YWHAG: variants seen among roughly 807,000 people sequenced by gnomAD.
The protein encoded by YWHAG is tyrosine 3-monooxygenase/tryptophan 5-monooxygenase activation protein gamma.
YWHAG carries 1 observed loss-of-function variant against 23.3 expected under a neutral mutation model. The observed-to-expected ratio is 0.04, with a 90% CI of 0.02 to 0.20. The LOEUF (loss-of-function observed/expected upper bound fraction) is 0.20, where lower values mean the gene tolerates loss of function less well. Among genes scored for constraint, YWHAG ranks in the 10% least tolerant of loss-of-function variants. The pLI is 1.00. For synonymous variants in YWHAG, 160 were observed against 144.0 expected (o/e 1.11, Z -0.80); for missense variants, 151 against 338.6 (o/e 0.45, Z 4.35).
At chr7:76,334,164 A>T (rs907261379) in intron 1 of YWHAG, among the ~76,000 whole-genome samples, 3 of 152,242 alleles carry the variant, frequency 2.0e-5, no homozygotes, top group Non-Finnish European at 4.4e-5. Flanking sequence ...GAACACCTTA[A>T]ATCAAAATTT....
At chr7:76,349,573 C>T (rs1032382182) in intron 1 of YWHAG, among the ~76,000 whole-genome samples, 1 of 152,148 alleles carries the variant, frequency 6.6e-6, no homozygotes, top group African/African-American at 2.4e-5. Flanking sequence ...TGAGAATCTA[C>T]ATGCCACAGC....
chr7:76,329,806 C>T lies in YWHAG; in HGVS notation c.515G>A (p.Arg172Gln). Residue 172 changes from arginine (R) to glutamine (Q), a missense_variant, in exon 2 of 2, where the codon CGA (arginine) becomes CAA (glutamine). Physicochemically the swap from Arg to Gln is conservative, Grantham distance 43 (BLOSUM62 1). Transcript: ENST00000307630. This position sits in a 1 kb window ranked among gnomAD's most constrained non-coding sequence, Gnocchi z 6.1. ...KEHMQPTHPI[R>Q]LGLALNYSVF... ...GGAGTAGTTAAGAGCCAGGCCTAAT[C>T]GGATGGGGTGGGTGGGCTGCATGTG... 2.5e-6 allele frequency: 4 copies of T among 1,613,058 alleles called. No homozygotes were observed. Among genetic ancestry groups the T allele is most frequent in the South Asian group, 1.1e-5 (1 of 91,026 alleles).
intron 1 of YWHAG, among the ~76,000 whole-genome samples, chr7:76,341,545 T>C (rs1373593627): frequency 6.6e-6 from 1 of 151,486 alleles, no homozygotes; most frequent in Admixed American, 6.6e-5. Flanking sequence ...ATCTATGTAA[T>C]GGAATATTAT....
intron 1 of YWHAG, among the ~76,000 whole-genome samples, chr7:76,341,429 A>AAAG (rs1563665147): frequency 6.6e-6 from 1 of 150,922 alleles, no homozygotes; most frequent in African/African-American, 2.4e-5. Flanking sequence ...AAAAAAAAAA[A>AAAG]AGAGAAATCT....
Position 76,329,321 on chromosome 7 carries a change from A to G in YWHAG, c.*256T>C, listed in dbSNP as rs1803504828. ...AGTTAAATTAGAGACAGACAGCTCC[A>G]CTTGCATGAATCTACAGAACAGTCC... On this transcript the variant is annotated 3_prime_UTR_variant, in exon 2 of 2. Coordinates refer to ENST00000307630, the MANE Select transcript of YWHAG (RefSeq NM_012479.4). This position sits in a 1 kb window ranked among gnomAD's most constrained non-coding sequence, Gnocchi z 6.1. The G allele has an allele frequency of 4.4e-6, 2 of 456,596 alleles. No individual in the cohort carries two copies. Among genetic ancestry groups the G allele is most frequent in the African/African-American group, 3.9e-5 (2 of 50,666 alleles). The allele number at this position is 456,596 out of a possible 1,614,324, so 28.3% of individuals were successfully genotyped here.
Position 76,327,688 on chromosome 7 carries a change from C to CCCCCT in YWHAG, c.*1888_*1889insAGGGG, listed in dbSNP as rs1563660690. On this transcript the variant is annotated 3_prime_UTR_variant, in exon 2 of 2. Coordinates refer to ENST00000307630, the MANE Select transcript of YWHAG (RefSeq NM_012479.4). ...ACCCTGCCCCCCCCCCCCTCCCCCC[C>CCCCCT]CAAATCGTCTTCCTCCCATGGCAAT... 1 of 118,512 alleles carries CCCCCT rather than the reference C, an allele frequency of 8.4e-6. No individual in the cohort carries two copies. The highest frequency in any genetic ancestry group is 1.8e-5 in the Non-Finnish European group (1 of 56,048). 7.3% of individuals were successfully genotyped at this position (118,512 alleles called of 1,614,324 possible).
intron 1 of YWHAG, among the ~76,000 whole-genome samples, chr7:76,334,119 C>T (rs1359032862): frequency 6.6e-6 from 1 of 152,232 alleles, no homozygotes; most frequent in African/African-American, 2.4e-5. Context: ...AGGGGAAACC[C>T]TTCAGCTCTA....
rs1403141077 is a variant in YWHAG, at chr7:76,330,112, G to C, written c.209C>G (p.Thr70Arg). The C allele has an allele frequency of 6.2e-7, 1 of 1,614,130 alleles. No homozygotes were observed. ...CTTCTTCTCATTGCCGTCTGCAGAT[G>C]TCTTCTGCTCAATGCTACTGATGAC... ...WRVISSIEQK[T>R]SADGNEKKIE... The change falls in exon 2 of 2, where the codon ACA (threonine) becomes AGA (arginine). Residue 70 changes from threonine to arginine, a missense_variant. Thr to Arg is a moderately conservative substitution (Grantham distance 71). Transcript: ENST00000307630.
chr7:76,349,418 T>TATAC (rs1803838494), intron 1 of YWHAG, among the ~76,000 whole-genome samples: 1 of 147,048 alleles, frequency 6.8e-6, no homozygotes, highest in African/African-American at 2.5e-5. Context: ...CATTTATTAA[T>TATAC]ACACACACAC....
chr7:76,353,827 G>GAAA (rs1803908937), intron 1 of YWHAG, among the ~76,000 whole-genome samples: 2 of 152,014 alleles, frequency 1.3e-5, no homozygotes, highest in African/African-American at 4.8e-5. Flanking sequence ...CCAGTACTTT[G>GAAA]GGAGGCCAAG....
Position 76,350,040 on chromosome 7 carries a change from G to T in YWHAG, c.87+8682C>A, listed in dbSNP as rs183179097. On this transcript the variant is annotated intron_variant, in intron 1 of 1. Coordinates refer to ENST00000307630, the MANE Select transcript of YWHAG (RefSeq NM_012479.4). ...TAAATAATCCCCGAGGAGGCCAGAAGAGTAAGAAAATACAGATAAAAGACC... is the reference window on the plus strand; with the variant it reads ...TAAATAATCCCCGAGGAGGCCAGAATAGTAAGAAAATACAGATAAAAGACC... Among the ~76,000 whole-genome samples, 427 of 152,328 alleles carry T rather than the reference G, an allele frequency of 2.8e-3. 1 individual carries two copies. Among genetic ancestry groups the T allele is most frequent in the Non-Finnish European group, 5.3e-3 (359 of 68,038 alleles).
chr7:76,348,424 T>G (rs1803820094), intron 1 of YWHAG, among the ~76,000 whole-genome samples: 2 of 148,138 alleles, frequency 1.4e-5, no homozygotes, highest in Middle Eastern at 3.5e-3. Flanking sequence ...CCCGCTAATT[T>G]TTTTTTTTTT....
chr7:76,356,154 G>T lies in YWHAG; in HGVS notation c.87+2568C>A, dbSNP rs527838761. 5.3e-5 allele frequency among the ~76,000 whole-genome samples: 8 copies of T among 152,326 alleles called. No homozygotes were observed. In the South Asian group the frequency reaches 1.7e-3, roughly 32 times the overall value. On this transcript the variant is annotated intron_variant, in intron 1 of 1. Coordinates refer to ENST00000307630, the MANE Select transcript of YWHAG (RefSeq NM_012479.4). ...CCTTAAAAGAGAGCTCACTTGAGTG[G>T]TAAGATTGGTTTCTTTCTCTGCAGT...
chr7:76,358,965 C>T lies in YWHAG; in HGVS notation c.-157G>A, dbSNP rs1804009512. The T allele has an allele frequency of 5.0e-6, 3 of 594,490 alleles. No individual in the cohort carries two copies. Among genetic ancestry groups the T allele is most frequent in the Non-Finnish European group, 5.2e-6 (2 of 382,498 alleles). 36.8% of individuals were successfully genotyped at this position (594,490 alleles called of 1,614,324 possible). On this transcript the variant is annotated 5_prime_UTR_variant, in exon 1 of 2. Transcript: ENST00000307630. Reference sequence around the variant, plus strand: ...GCGGAGGAGGCGGCTGGAGCTGCGACCGCGGGACCGGGCGCGAGGCGGCTG... The same window carrying T: ...GCGGAGGAGGCGGCTGGAGCTGCGATCGCGGGACCGGGCGCGAGGCGGCTG...
intron 1 of YWHAG, among the ~76,000 whole-genome samples, chr7:76,341,069 G>A (rs1382740456): frequency 6.6e-6 from 1 of 152,088 alleles, no homozygotes; most frequent in African/African-American, 2.4e-5. Context: ...CTAAAGTGCA[G>A]GGGAAGCCAC....
chr7:76,357,846 C>T (rs1159645438), intron 1 of YWHAG, among the ~76,000 whole-genome samples: 1 of 152,122 alleles, frequency 6.6e-6, no homozygotes, highest in Admixed American at 6.5e-5. Flanking sequence ...AATATTTTTT[C>T]CCCCAACTTA....
intron 1 of YWHAG, among the ~76,000 whole-genome samples, chr7:76,339,188 G>C (rs1422735341): frequency 1.3e-5 from 2 of 152,232 alleles, no homozygotes; most frequent in African/African-American, 4.8e-5. Flanking sequence ...AATGGTAATA[G>C]GCTGGGCGCG....
intron 1 of YWHAG, among the ~76,000 whole-genome samples, chr7:76,335,668 G>A (rs774984326): frequency 2.0e-5 from 3 of 152,048 alleles, no homozygotes; most frequent in African/African-American, 4.8e-5. Flanking sequence ...GTAATGGTAG[G>A]GACCAGACAC....
At chr7:76,349,913 G>A (rs563294926) in intron 1 of YWHAG, among the ~76,000 whole-genome samples, 96 of 152,320 alleles carry the variant, frequency 6.3e-4, no homozygotes, top group Non-Finnish European at 1.1e-3. Flanking sequence ...AGAATTGCTT[G>A]AATCCAGGAG....
Sources: gnomAD v4.1 joint callset for allele counts (sites outside exome capture counted in the v4.1 genomes callset) on GRCh38, gnomAD v4.1.1 for gene constraint, Gnocchi (gnomAD v3.1) non-coding constraint, MANE v1.5 for transcripts, NCBI Gene and HGNC (gene_info 2026-07-23, HGNC 2026-07-21) for gene names.